PREX1: variants seen among roughly 807,000 people sequenced by gnomAD.
PREX1 encodes the protein phosphatidylinositol-3,4,5-trisphosphate dependent Rac exchange factor 1.
In PREX1, 41 loss-of-function variants were observed where a neutral mutation model predicts 198.3. The ratio of observed to expected loss-of-function variants is 0.21; its 90% confidence interval spans 0.16 to 0.27. The LOEUF (loss-of-function observed/expected upper bound fraction) is 0.27. Ranked by LOEUF, PREX1 falls within the 10% of genes least tolerant of loss-of-function variation. The pLI is 1.00. For missense variants in PREX1, 1,620 were observed against 2,200.7 expected, an observed-to-expected ratio of 0.74 and a Z score of 5.28; for synonymous variants, 843 against 887.2, an observed-to-expected ratio of 0.95 and a Z score of 0.89.
In PREX1 at chr20:48,624,452, T is replaced by C. The variant is rs2089253699; in HGVS notation, c.*1433A>G. 6.6e-6 allele frequency: 1 copy of C among 152,618 alleles called. No individual in the cohort carries two copies. Among genetic ancestry groups the C allele is most frequent in the Non-Finnish European group, 1.5e-5 (1 of 68,044 alleles). 9.5% of individuals were successfully genotyped at this position (152,618 alleles called of 1,614,324 possible). On this transcript the variant is annotated 3_prime_UTR_variant, in exon 40 of 40. Coordinates refer to ENST00000371941, the MANE Select transcript of PREX1 (RefSeq NM_020820.4). The stretch of plus-strand genomic sequence containing the variant: ...CAAGGCCACTGCCTGCCCTCGTGTA[T>C]GCTGCGGCAAGAGAGGGAAGCGCAC...
chr20:48,723,866 A>G (rs1011556535), intron 5 of PREX1, among the ~76,000 whole-genome samples: 3 of 152,146 alleles, frequency 2.0e-5, no homozygotes, highest in Non-Finnish European at 4.4e-5. Context: ...GTCCAGCGAC[A>G]CCATGTGTTA....
chr20:48,688,530 G>A, intron 10 of PREX1, 127 bp downstream of exon 10: 11 of 1,236,998 alleles, frequency 8.9e-6, no homozygotes, highest in Non-Finnish European at 1.2e-5. Flanking sequence ...AAGGATTCAG[G>A]TCCTTTTGTC....
chr20:48,840,522 T>A, the PREX1 span, among the ~76,000 whole-genome samples: 15,988 of 152,062 alleles, frequency 0.11, 1,128 homozygotes, highest in Non-Finnish European at 0.16. Context: ...CGCCATGGGG[T>A]TTGTACATAT....
chr20:48,862,807 A>G, the PREX1 span, among the ~76,000 whole-genome samples: 73 of 126,662 alleles, frequency 5.8e-4, 2 homozygotes, highest in African/African-American at 2.1e-3. Context: ...ATATATATAT[A>G]TATATACTAA....
chr20:48,784,128 C>G (rs2090301737), intron 1 of PREX1, among the ~76,000 whole-genome samples: 2 of 152,016 alleles, frequency 1.3e-5, no homozygotes, highest in South Asian at 2.1e-4. Flanking sequence ...TGAAGAAAGC[C>G]CAGGAAGACC....
In PREX1 at chr20:48,657,159, G is replaced by T; in HGVS notation, c.2004C>A (p.Ile668=). Residue 668 remains isoleucine, a synonymous_variant, in exon 18 of 40, where the codon ATC becomes ATA. Coordinates refer to ENST00000371941, the MANE Select transcript of PREX1 (RefSeq NM_020820.4). ...EVAGLQVGRK[I]YSINEDLVFL... ...ACACCAGGTCCTCATTGATGGAGTA[G>T]ATCTTCCTCCCCACCTGCAGGCCAG... 2 of 1,613,686 alleles carry T rather than the reference G, an allele frequency of 1.2e-6. No homozygotes were observed. Among genetic ancestry groups the T allele is most frequent in the Non-Finnish European group, 1.7e-6 (2 of 1,179,852 alleles).
chr20:48,847,392 TC>T, the PREX1 span, among the ~76,000 whole-genome samples: 2 of 114,150 alleles, frequency 1.8e-5, no homozygotes, highest in African/African-American at 7.0e-5. Flanking sequence ...AAACAAACCC[TC>T]CCCAAATGAC....
chr20:48,859,300 C>A, the PREX1 span, among the ~76,000 whole-genome samples: 3 of 152,170 alleles, frequency 2.0e-5, no homozygotes, highest in Non-Finnish European at 2.9e-5. Context: ...AACAGGCTGG[C>A]TACCTTGTAA....
chr20:48,809,087 T>C (rs540016342), intron 1 of PREX1, among the ~76,000 whole-genome samples: 4 of 152,324 alleles, frequency 2.6e-5, no homozygotes, highest in East Asian at 3.9e-4. Context: ...TGGGGGGCTA[T>C]GTTGCTTGGA....
At chr20:48,700,149 G>A (rs1601084696) in intron 7 of PREX1, among the ~76,000 whole-genome samples, 1 of 152,226 alleles carries the variant, frequency 6.6e-6, no homozygotes, top group East Asian at 1.9e-4. Flanking sequence ...AAGACACAAA[G>A]AAGGTGAAGA....
At chr20:48,659,533 C>T (rs2089574445) in intron 16 of PREX1, among the ~76,000 whole-genome samples, 1 of 152,120 alleles carries the variant, frequency 6.6e-6, no homozygotes, top group African/African-American at 2.4e-5. Flanking sequence ...CAGCTCCAAC[C>T]CTGGCAGTGA....
intron 29 of PREX1, 72 bp from the exon 30 acceptor site, chr20:48,639,966 C>T (rs1601034573): frequency 4.5e-6 from 7 of 1,538,720 alleles, no homozygotes; most frequent in Non-Finnish European, 6.2e-6. Context: ...GCACAAAGGC[C>T]TATGTCCCAT....
chr20:48,655,833 G>A (rs1221204244), intron 18 of PREX1, among the ~76,000 whole-genome samples: 2 of 152,160 alleles, frequency 1.3e-5, no homozygotes, highest in East Asian at 3.9e-4. Context: ...TCTGTGGGTC[G>A]ATCCCCAAAG....
In PREX1 at chr20:48,827,933, C is replaced by G. The variant is rs944819350; in HGVS notation, c.-73G>C. The G allele has an allele frequency of 1.7e-6, 1 of 583,870 alleles. No homozygotes were observed. The highest frequency in any genetic ancestry group is 2.1e-6 in the Non-Finnish European group (1 of 466,788). 36.2% of individuals were successfully genotyped at this position (583,870 alleles called of 1,614,324 possible). A position where few individuals can be genotyped will look rare whatever the true frequency, so the allele number is the denominator to read the frequency against. Reference sequence around the variant, plus strand: ...AACTCAGGCGTCCAGGCGCCCCATCCCGGACGGGGCGCGCCGGCGGGCCGG... The same window carrying G: ...AACTCAGGCGTCCAGGCGCCCCATCGCGGACGGGGCGCGCCGGCGGGCCGG... On this transcript the variant is annotated 5_prime_UTR_variant, in exon 1 of 40. Transcript: ENST00000371941. This position sits in a 1 kb window ranked among gnomAD's most constrained non-coding sequence, Gnocchi z 4.1.
At chr20:48,862,807 A>ATATATATGTGTG in the PREX1 span, among the ~76,000 whole-genome samples, 359 of 126,570 alleles carry the variant, frequency 2.8e-3, 3 homozygotes, top group Non-Finnish European at 4.2e-3. Context: ...ATATATATAT[A>ATATATATGTGTG]TATATACTAA....
chr20:48,844,817 A>C, the PREX1 span, among the ~76,000 whole-genome samples: 1 of 152,204 alleles, frequency 6.6e-6, no homozygotes, highest in East Asian at 1.9e-4. Context: ...TTCAGTCTTC[A>C]TTTACTTATA....
chr20:48,763,495 C>T (rs2090193730), intron 1 of PREX1, among the ~76,000 whole-genome samples: 1 of 152,214 alleles, frequency 6.6e-6, no homozygotes, highest in Non-Finnish European at 1.5e-5. Flanking sequence ...GGAATGCGGT[C>T]TCCTCTCTGT....
chr20:48,657,466 G>A lies in PREX1; in HGVS notation c.1975-278C>T, dbSNP rs1211480135. 2.0e-5 allele frequency among the ~76,000 whole-genome samples: 3 copies of A among 152,322 alleles called. No homozygotes were observed. In the East Asian group the frequency reaches 5.8e-4, roughly 29 times the overall value. ...GCCTGACCCTGTTGTGTGGGGACAC[G>A]AGGGTCACACCGGGGTGGCCATCTT... On this transcript the variant is annotated intron_variant, in intron 17 of 39. Coordinates refer to ENST00000371941, the MANE Select transcript of PREX1 (RefSeq NM_020820.4).
chr20:48,641,458 G>C (rs2089409487), intron 29 of PREX1, among the ~76,000 whole-genome samples: 1 of 152,138 alleles, frequency 6.6e-6, no homozygotes, highest in Admixed American at 6.5e-5. Flanking sequence ...AAAAAGTGAT[G>C]TCAATAATAA....
Sources: allele counts gnomAD v4.1 joint callset (sites outside exome capture counted in the v4.1 genomes callset), GRCh38; gene constraint gnomAD v4.1.1; non-coding constraint Gnocchi (gnomAD v3.1); transcripts MANE v1.5; gene names NCBI Gene and HGNC (gene_info 2026-07-23, HGNC 2026-07-21).